Variants in CACNB4 observed in about 807,000 individuals in gnomAD.
The protein encoded by CACNB4 is voltage-dependent L-type calcium channel subunit beta-4.
A neutral mutation model predicts 71.2 loss-of-function variants in CACNB4; 32 were observed. That is an observed-to-expected ratio of 0.45 (90% CI 0.34 to 0.60). CACNB4 has a LOEUF of 0.60. Among genes scored for constraint, CACNB4 ranks in the 20% least tolerant of loss-of-function variants. The pLI is 0.01. For missense variants in CACNB4, 464 were observed against 647.9 expected (o/e 0.72, Z 3.08); for synonymous variants, 231 against 236.9 (o/e 0.97, Z 0.23).
chr2:152,005,127 A>G, intron 2 of CACNB4, among the ~76,000 whole-genome samples: 1 of 152,240 alleles, frequency 6.6e-6, no homozygotes, highest in Non-Finnish European at 1.5e-5. Context: ...TTTGCAAAGA[A>G]CTAAAAATAG....
At position 151,837,810 on chromosome 2, in the gene CACNB4, AT is replaced by A. The variant is rs1311969596; in HGVS notation, c.*1308del. 1.3e-5 allele frequency: 2 copies of A among 152,276 alleles called. No individual in the cohort carries two copies. The highest frequency in any genetic ancestry group is 6.5e-5 in the Admixed American group (1 of 15,294). 9.4% of individuals were successfully genotyped at this position (152,276 alleles called of 1,614,324 possible). On this transcript the variant is annotated 3_prime_UTR_variant, in exon 14 of 14. Transcript: ENST00000539935. ...AGAAATAAGGCAGCTCAATCTCCAAATTCTTTATAATTTTCTGCATTAAAAA... is the reference window on the plus strand; with the variant it reads ...AGAAATAAGGCAGCTCAATCTCCAAATCTTTATAATTTTCTGCATTAAAAA...
chr2:151,912,477 T>C (rs2151540689), intron 2 of CACNB4, among the ~76,000 whole-genome samples: 2 of 152,320 alleles, frequency 1.3e-5, no homozygotes, highest in South Asian at 2.1e-4. Flanking sequence ...TTGTGTGGTT[T>C]TGAGTGAGTT....
rs2099834654 is a variant in CACNB4, at chr2:151,835,249, C to T, written c.*3870G>A. ...CTTATTTGTTAAATTAACCTTGCCT[C>T]ATGATAAACTGTGAACCAATTCAAA... On this transcript the variant is annotated 3_prime_UTR_variant, in exon 14 of 14. Transcript: ENST00000539935. 6.6e-6 allele frequency: 1 copy of T among 152,082 alleles called. No individual in the cohort carries two copies. Among genetic ancestry groups the T allele is most frequent in the South Asian group, 2.1e-4 (1 of 4,830 alleles). The allele number at this position is 152,082 out of a possible 1,614,324, so 9.4% of individuals were successfully genotyped here.
At chr2:151,933,259 T>C (rs1442627271) in intron 2 of CACNB4, among the ~76,000 whole-genome samples, 2 of 151,786 alleles carry the variant, frequency 1.3e-5, no homozygotes. Context: ...AGTGTCTCGA[T>C]GTTGGCCTTA....
At chr2:151,994,393 G>A (rs1453275617) in intron 2 of CACNB4, among the ~76,000 whole-genome samples, 1 of 152,036 alleles carries the variant, frequency 6.6e-6, no homozygotes, top group Non-Finnish European at 1.5e-5. Flanking sequence ...TTTTAGTAGA[G>A]ACGGGGTTTC....
At chr2:151,966,093 A>C (rs1312155592) in intron 2 of CACNB4, among the ~76,000 whole-genome samples, 1 of 152,222 alleles carries the variant, frequency 6.6e-6, no homozygotes, top group Non-Finnish European at 1.5e-5. Context: ...CTTATCAGCA[A>C]AAAGTACAAA....
chr2:151,841,878 A>T (rs1406577287), intron 13 of CACNB4, 25 bp downstream of exon 13: 1 of 1,607,586 alleles, frequency 6.2e-7, no homozygotes, highest in Non-Finnish European at 8.5e-7. Flanking sequence ...GGTTGTAAAA[A>T]GCATGAGTGA....
chr2:151,989,473 C>T (rs572098227), intron 2 of CACNB4, among the ~76,000 whole-genome samples: 19 of 152,278 alleles, frequency 1.2e-4, no homozygotes, highest in Admixed American at 1.0e-3. Flanking sequence ...CACTATTGAC[C>T]TTTCTCCCGT....
chr2:151,904,538 CTT>C (rs11347936), intron 2 of CACNB4, among the ~76,000 whole-genome samples: 9,600 of 127,638 alleles, frequency 0.075, 389 homozygotes, highest in Admixed American at 0.14. Flanking sequence ...AGAGATAACT[CTT>C]TTTTTTTTTT....
chr2:151,929,480 C>A (rs1480170068), intron 2 of CACNB4, among the ~76,000 whole-genome samples: 1 of 152,116 alleles, frequency 6.6e-6, no homozygotes, highest in East Asian at 1.9e-4. Context: ...TTATAACCTG[C>A]AGTTTGAAAT....
intron 2 of CACNB4, among the ~76,000 whole-genome samples, chr2:152,067,456 C>T (rs1437584229): frequency 6.6e-6 from 1 of 152,018 alleles, no homozygotes; most frequent in African/African-American, 2.4e-5. Context: ...AGCAATCCTC[C>T]CACCTCAGCT....
chr2:152,005,741 A>C (rs1682687020), intron 2 of CACNB4, among the ~76,000 whole-genome samples: 2 of 152,186 alleles, frequency 1.3e-5, no homozygotes, highest in African/African-American at 4.8e-5. Context: ...CTTTCAGGAA[A>C]CTCAGAGTTA....
chr2:152,083,372 G>GGGAGGGAA (rs1261288571), intron 2 of CACNB4, among the ~76,000 whole-genome samples: 2 of 151,914 alleles, frequency 1.3e-5, no homozygotes, highest in Admixed American at 6.6e-5. Context: ...AAGGAAGGGA[G>GGGAGGGAA]GGAGGGAAGG....
At chr2:151,883,199 A>T (rs1180591923) in intron 3 of CACNB4, 52 bp downstream of exon 3, 1 of 1,589,982 alleles carries the variant, frequency 6.3e-7, no homozygotes, top group African/African-American at 1.3e-5. Flanking sequence ...AGCAGCTGGT[A>T]GCCACTGAGC....
At chr2:151,870,463 C>T in intron 8 of CACNB4, 68 bp downstream of exon 8, 1 of 1,307,774 alleles carries the variant, frequency 7.6e-7, no homozygotes, top group Non-Finnish European at 1.1e-6. Flanking sequence ...CCTTGAGGAG[C>T]AAGCGTCAAC....
At chr2:151,869,367 G>A (rs2099844021) in intron 8 of CACNB4, 132 bp from the exon 9 acceptor site, 2 of 594,080 alleles carry the variant, frequency 3.4e-6, no homozygotes, top group Non-Finnish European at 6.1e-6. Context: ...CTCCTAGGGG[G>A]AGGTTACCAT....
intron 2 of CACNB4, chr2:151,962,868 A>G (rs2099870015): frequency 6.6e-6 from 1 of 152,156 alleles, no homozygotes; most frequent in South Asian, 2.1e-4. Context: ...GAGCAATCCA[A>G]TCTCTGTTTT....
chr2:152,010,261 T>C (rs952429254), intron 2 of CACNB4, among the ~76,000 whole-genome samples: 1 of 152,234 alleles, frequency 6.6e-6, no homozygotes. Flanking sequence ...GTAGTCATAA[T>C]AAAGTTTTAC....
Position 151,977,505 on chromosome 2 carries a change from G to A in CACNB4, c.148-94135C>T, listed in dbSNP as rs117935799. 1.4e-3 allele frequency among the ~76,000 whole-genome samples: 214 copies of A among 152,230 alleles called. 2 individuals carry two copies. In the East Asian group the frequency reaches 0.032, roughly 23 times the overall value. On this transcript the variant is annotated intron_variant, in intron 2 of 13. Transcript: ENST00000539935. The stretch of plus-strand genomic sequence containing the variant: ...GATATTAAGTCCCTTTTCCTTACCC[G>A]TGCTGGGCTTTATCATAGAGTGAAC...
Sources: gnomAD v4.1 joint callset for allele counts (sites outside exome capture counted in the v4.1 genomes callset) on GRCh38, gnomAD v4.1.1 for gene constraint, MANE v1.5 for transcripts, NCBI Gene and HGNC (gene_info 2026-07-23, HGNC 2026-07-21) for gene names.